Variants in RS1 observed in about 807,000 individuals in gnomAD.
RS1 encodes retinoschisin.
In RS1, 2 loss-of-function variants were observed where a neutral mutation model predicts 20.8. The observed-to-expected ratio is 0.10, with a 90% CI of 0.04 to 0.30. RS1 has a LOEUF of 0.30. Among genes scored for constraint, RS1 ranks in the 10% least tolerant of loss-of-function variants. The pLI is 1.00. For missense variants in RS1, 151 were observed against 189.8 expected (o/e 0.80, Z 1.20); for synonymous variants, 70 against 75.8 (o/e 0.92, Z 0.40).
chrX:18,655,890 A>AGGATTCC (rs1342583938), intron 3 of RS1, among the ~76,000 whole-genome samples: 2 of 110,642 alleles, frequency 1.8e-5, no homozygotes, highest in African/African-American at 6.6e-5. Flanking sequence ...TGACACAGCC[A>AGGATTCC]GGATTCCAGC....
At chrX:18,663,706 C>T (rs777596364) in intron 1 of RS1, among the ~76,000 whole-genome samples, 5 of 111,412 alleles carry the variant, frequency 4.5e-5, no homozygotes, top group Admixed American at 1.9e-4. Flanking sequence ...CTTCACACCG[C>T]AATGTTGGGT....
At position 18,650,493 on chromosome X, in the gene RS1, C is replaced by G. The variant is rs1064794669; in HGVS notation, c.185-3161G>C. On this transcript the variant is annotated intron_variant, in intron 3 of 5. Transcript: ENST00000379984. ...AGCCCTTCATCGTCCAATCTCCAGT[C>G]CTGCTCCCTATCCAGTACTCCAGGT... The G allele has an allele frequency of 8.3e-7, 1 of 1,210,256 alleles. No individual in the cohort carries two copies. The highest frequency in any genetic ancestry group is 1.7e-5 in the African/African-American group (1 of 57,314).
intron 3 of RS1, among the ~76,000 whole-genome samples, chrX:18,649,316 A>C (rs759683814): frequency 1.8e-5 from 2 of 111,202 alleles, no homozygotes; most frequent in South Asian, 3.9e-4. Flanking sequence ...GCTCTCTGCA[A>C]CTCTAACTCC....
At chrX:18,669,131 A>C (rs1473268719) in intron 1 of RS1, among the ~76,000 whole-genome samples, 3 of 111,460 alleles carry the variant, frequency 2.7e-5, no homozygotes, top group Non-Finnish European at 5.6e-5. Context: ...TGGATGTTCT[A>C]AAAATCCTTA....
intron 3 of RS1, chrX:18,653,446 G>T (rs35693326): frequency 2.5e-6 from 3 of 1,209,217 alleles, no homozygotes; most frequent in Non-Finnish European, 3.4e-6. Flanking sequence ...CTCTTTCTTC[G>T]TGAGACACGT....
rs762701573 is a variant in RS1, at chrX:18,656,768, A to G, written c.79-10T>C. The G allele has an allele frequency of 8.4e-7, 1 of 1,193,384 alleles. No homozygotes were observed. Among genetic ancestry groups the G allele is most frequent in the Non-Finnish European group, 1.1e-6 (1 of 878,943 alleles). On this transcript the variant is annotated splice_polypyrimidine_tract_variant and intron_variant, in intron 2 of 5. Transcript: ENST00000379984. ...GGTCCTCGCCTTCATCCTGCAGCCA[A>G]CCAGAGAGGCAGGGCAGAAAAGTCA...
intron 3 of RS1, among the ~76,000 whole-genome samples, chrX:18,648,306 A>C (rs138521243): frequency 9.2e-6 from 1 of 108,819 alleles, no homozygotes; most frequent in African/African-American, 3.4e-5. Context: ...CGGTGCTGCT[A>C]TGTCAGCCCA....
chrX:18,663,142 G>A (rs1200021948), intron 1 of RS1, among the ~76,000 whole-genome samples: 2 of 102,239 alleles, frequency 2.0e-5, no homozygotes, highest in Non-Finnish European at 3.9e-5. Context: ...GGGTTCAAGC[G>A]ATTCTCCTGC....
At chrX:18,647,645 C>T (rs995827121) in intron 3 of RS1, 1 of 301,569 alleles carries the variant, frequency 3.3e-6, no homozygotes, top group African/African-American at 2.7e-5. Context: ...CCTCCACCAA[C>T]TTAGAGATCT....
chrX:18,649,086 TA>T (rs1233948424), intron 3 of RS1, among the ~76,000 whole-genome samples: 1 of 108,343 alleles, frequency 9.2e-6, no homozygotes, highest in Non-Finnish European at 1.9e-5. Flanking sequence ...TTAGCCTTGA[TA>T]ACCTTAAGTA....
At chrX:18,667,468 C>A (rs62588999) in intron 1 of RS1, among the ~76,000 whole-genome samples, 6 of 107,072 alleles carry the variant, frequency 5.6e-5, no homozygotes, top group African/African-American at 2.0e-4. Flanking sequence ...TCGATTGAAC[C>A]CAGGCGGGCG....
At chrX:18,652,404 C>G (rs1218905950) in intron 3 of RS1, among the ~76,000 whole-genome samples, 2 of 112,443 alleles carry the variant, frequency 1.8e-5, no homozygotes, top group Non-Finnish European at 3.8e-5. Context: ...TGCAGTGGCT[C>G]ACGCCTGTAA....
intron 3 of RS1, 76 bp from the exon 4 acceptor site, chrX:18,647,408 C>G: frequency 9.2e-7 from 1 of 1,091,460 alleles, no homozygotes; most frequent in Non-Finnish European, 1.3e-6. Context: ...AATAACAAAA[C>G]AAACCCATCT....
intron 5 of RS1, 75 bp from the exon 6 acceptor site, chrX:18,642,231 G>A: frequency 9.3e-7 from 1 of 1,077,132 alleles, no homozygotes; most frequent in Non-Finnish European, 1.3e-6. Flanking sequence ...TCTGGAGCTA[G>A]CCCCAACTTT....
At chrX:18,657,249 C>T (rs1277344331) in intron 2 of RS1, among the ~76,000 whole-genome samples, 1 of 48,576 alleles carries the variant, frequency 2.1e-5, no homozygotes, top group African/African-American at 7.7e-5. Flanking sequence ...GAGACAGAGT[C>T]TCGCTTTGTC....
Position 18,639,947 on chromosome X carries a change from C to T in RS1, c.*2057G>A, listed in dbSNP as rs1399235965. The T allele has an allele frequency of 1.8e-5, 2 of 111,768 alleles. No individual in the cohort carries two copies. The highest frequency in any genetic ancestry group is 6.5e-5 in the African/African-American group (2 of 30,706). 9.2% of individuals were successfully genotyped at this position (111,768 alleles called of 1,213,427 possible). A position where few individuals can be genotyped will look rare whatever the true frequency, so the allele number is the denominator to read the frequency against. ...TATGATTTCATTTATGTAGAACGTC[C>T]AGAAGGCCAATCTACAGAGACAGTC... On this transcript the variant is annotated 3_prime_UTR_variant, in exon 6 of 6. Transcript: ENST00000379984.
rs1338405284 is a variant in RS1, at chrX:18,646,132, C to A, written c.326+1059G>T. 2.5e-6 allele frequency: 3 copies of A among 1,210,411 alleles called. No individual in the cohort carries two copies. In the East Asian group the frequency reaches 8.9e-5, roughly 36 times the overall value. On this transcript the variant is annotated intron_variant, in intron 4 of 5. Transcript: ENST00000379984. ...GCATGCCATCAAGCTGCCATAACGA[C>A]CCTAGACTACTGAATGAAACTTTTT...
chrX:18,647,809 G>A (rs1211334962), intron 3 of RS1, among the ~76,000 whole-genome samples: 1 of 111,274 alleles, frequency 9.0e-6, no homozygotes, highest in East Asian at 2.8e-4. Context: ...CAAAACCACA[G>A]TGAGACGCAA....
chrX:18,659,597 G>A (rs1395392588), intron 1 of RS1, among the ~76,000 whole-genome samples: 3 of 112,361 alleles, frequency 2.7e-5, no homozygotes, highest in Admixed American at 9.5e-5. Flanking sequence ...GATACAGAAC[G>A]TTTCTATCAT....
Sources: gnomAD v4.1 joint callset for allele counts (sites outside exome capture counted in the v4.1 genomes callset) on GRCh38, gnomAD v4.1.1 for gene constraint, MANE v1.5 for transcripts, NCBI Gene and HGNC (gene_info 2026-07-23, HGNC 2026-07-21) for gene names.